Variants in ANK3 observed in about 807,000 individuals in gnomAD.
The protein encoded by ANK3 is ankyrin 3, also known as ankyrin-3.
A neutral mutation model predicts 370.9 loss-of-function variants in ANK3; 57 were observed. The ratio of observed to expected loss-of-function variants is 0.15; its 90% CI spans 0.12 to 0.19. The LOEUF (loss-of-function observed/expected upper bound fraction) is 0.19. Among genes scored for constraint, ANK3 ranks in the 10% least tolerant of loss-of-function variants. ANK3 has a pLI of 1.00. For missense variants in ANK3, 4,439 were observed against 5,302.1 expected (o/e 0.84, Z 5.06); for synonymous variants, 1,929 against 1,946.3 (o/e 0.99, Z 0.23).
At chr10:60,718,228 C>T (rs2079816536) in intron 1 of ANK3, among the ~76,000 whole-genome samples, 1 of 152,190 alleles carries the variant, frequency 6.6e-6, no homozygotes, top group African/African-American at 2.4e-5. Context: ...AATTTAATAG[C>T]ATTCTTGTTG....
chr10:60,176,195 AC>A (rs368457262), intron 18 of ANK3, among the ~76,000 whole-genome samples: 27 of 140,256 alleles, frequency 1.9e-4, no homozygotes, highest in African/African-American at 5.3e-4. Flanking sequence ...AAAAAAAAAA[AC>A]AAAAAAAAAC....
At chr10:60,383,392 G>A (rs2061812186) in intron 1 of ANK3, among the ~76,000 whole-genome samples, 1 of 152,114 alleles carries the variant, frequency 6.6e-6, no homozygotes, top group Non-Finnish European at 1.5e-5. Flanking sequence ...TTTTGCAGGT[G>A]GAGAGCCTGA....
intron 2 of ANK3, among the ~76,000 whole-genome samples, chr10:60,585,291 T>A (rs977957569): frequency 4.6e-5 from 7 of 152,192 alleles, no homozygotes; most frequent in African/African-American, 1.7e-4. Flanking sequence ...TTGTTGTGCC[T>A]GTAAGTTTTA....
At chr10:60,444,110 G>C (rs2064372668) in intron 2 of ANK3, among the ~76,000 whole-genome samples, 1 of 151,718 alleles carries the variant, frequency 6.6e-6, no homozygotes, top group African/African-American at 2.4e-5. Flanking sequence ...GCACTTCTCA[G>C]TAATGGGATT....
chr10:60,177,584 T>A (rs972864672), intron 18 of ANK3, among the ~76,000 whole-genome samples: 18 of 125,724 alleles, frequency 1.4e-4, no homozygotes, highest in African/African-American at 5.1e-4. Flanking sequence ...CCACACATGG[T>A]CTTCAAATCT....
At chr10:60,337,906 T>C (rs1450862126) in intron 1 of ANK3, among the ~76,000 whole-genome samples, 2 of 152,206 alleles carry the variant, frequency 1.3e-5, no homozygotes, top group Admixed American at 1.3e-4. Flanking sequence ...TGAAGAAGCA[T>C]TGAATTTATC....
chr10:60,533,429 T>A lies in ANK3; in HGVS notation c.96+81757A>T, dbSNP rs148713780. Among the ~76,000 whole-genome samples the A allele has an allele frequency of 5.3e-5, 8 of 152,190 alleles. No individual in the cohort carries two copies. In the East Asian group the frequency reaches 1.5e-3, roughly 29 times the overall value. Reference sequence around the variant, plus strand: ...GCTCCAGGCTCTCCAATCTTCTAAATCCCAGGCTAGGCACTCTTCTTCTCC... The same window carrying A: ...GCTCCAGGCTCTCCAATCTTCTAAAACCCAGGCTAGGCACTCTTCTTCTCC... On this transcript the variant is annotated intron_variant, in intron 2 of 43. Coordinates refer to the ANK3 transcript ENST00000373827.
chr10:60,232,081 C>T (rs1415718017), intron 8 of ANK3, among the ~76,000 whole-genome samples: 1 of 152,140 alleles, frequency 6.6e-6, no homozygotes, highest in Non-Finnish European at 1.5e-5. Context: ...TCCCCTGTGA[C>T]CCTCTATGCC....
chr10:60,645,114 C>T (rs1350524894), intron 1 of ANK3, among the ~76,000 whole-genome samples: 1 of 151,916 alleles, frequency 6.6e-6, no homozygotes, highest in Non-Finnish European at 1.5e-5. Context: ...ATATAATTGT[C>T]ATATATCCTA....
intron 2 of ANK3, among the ~76,000 whole-genome samples, chr10:60,413,795 C>T (rs952471735): frequency 1.3e-5 from 2 of 152,030 alleles, no homozygotes; most frequent in Admixed American, 6.6e-5. Flanking sequence ...AGGATTTCAA[C>T]ACCAGCTTGG....
In ANK3 at chr10:60,722,846, C is replaced by A. The variant is rs1425244434; in HGVS notation, c.57+10417G>T. Among the ~76,000 whole-genome samples the A allele has an allele frequency of 3.3e-5, 5 of 152,308 alleles. No individual in the cohort carries two copies. In the East Asian group the frequency reaches 9.6e-4, roughly 29 times the overall value. ...CTCTCTTGCCATATGATATGCCTGT[C>A]TTTGCCTTCCAGCAAAATTGGAAGC... On this transcript the variant is annotated intron_variant, in intron 1 of 43. Transcript: ENST00000373827.
At chr10:60,135,932 C>T (rs2094322798) in intron 24 of ANK3, among the ~76,000 whole-genome samples, 1 of 151,886 alleles carries the variant, frequency 6.6e-6, no homozygotes, top group African/African-American at 2.4e-5. Context: ...CCCAAACAAC[C>T]ATCATTCTGC....
intron 1 of ANK3, among the ~76,000 whole-genome samples, chr10:60,650,868 G>A (rs1487755984): frequency 6.6e-6 from 1 of 152,154 alleles, no homozygotes; most frequent in East Asian, 1.9e-4. Context: ...ACAATTGCTT[G>A]AGTTCAGAAG....
At chr10:60,282,364 G>A (rs2098176537) in intron 1 of ANK3, among the ~76,000 whole-genome samples, 1 of 152,158 alleles carries the variant, frequency 6.6e-6, no homozygotes, top group African/African-American at 2.4e-5. Context: ...AGTTTCCTCA[G>A]AATTTTCCCA....
intron 1 of ANK3, among the ~76,000 whole-genome samples, chr10:60,656,270 TA>T (rs768528810): frequency 0.043 from 6,514 of 152,320 alleles, 174 homozygotes; most frequent in Middle Eastern, 0.075. Context: ...ACCTTTCATC[TA>T]AGTTGTTAAA....
intron 23 of ANK3, among the ~76,000 whole-genome samples, chr10:60,150,998 C>T (rs1195345565): frequency 6.6e-6 from 1 of 152,136 alleles, no homozygotes; most frequent in Non-Finnish European, 1.5e-5. Flanking sequence ...ATATCTTAAA[C>T]TCCTTGAGAC....
chr10:60,250,567 A>C (rs142485569), intron 7 of ANK3, among the ~76,000 whole-genome samples: 2 of 151,798 alleles, frequency 1.3e-5, no homozygotes, highest in Non-Finnish European at 2.9e-5. Context: ...GAGTTTCACC[A>C]TGTTAGCCAG....
chr10:60,706,655 G>A lies in ANK3; in HGVS notation c.57+26608C>T, dbSNP rs985951884. On this transcript the variant is annotated intron_variant, in intron 1 of 43. Transcript: ENST00000373827. ...TCTTTAACTCTTACATCTCTCCTTC[G>A]TATTTTAGAGTATAGTAGGGATAAT... 1.3e-4 allele frequency among the ~76,000 whole-genome samples: 19 copies of A among 151,892 alleles called. 1 individual carries two copies. The highest frequency in any genetic ancestry group is 9.7e-4 in the East Asian group (5 of 5,168).
chr10:60,493,974 C>A (rs568513713), intron 2 of ANK3, among the ~76,000 whole-genome samples: 5 of 152,290 alleles, frequency 3.3e-5, no homozygotes, highest in South Asian at 2.1e-4. Context: ...ATGATAATAT[C>A]ATTTCCTCTG....
Sources: allele counts gnomAD v4.1 joint callset (sites outside exome capture counted in the v4.1 genomes callset), GRCh38; gene constraint gnomAD v4.1.1; transcripts MANE v1.5; gene names NCBI Gene and HGNC (gene_info 2026-07-23, HGNC 2026-07-21).